ROBO2: variants seen among roughly 807,000 people sequenced by gnomAD.
The protein encoded by ROBO2 is roundabout homolog 2.
ROBO2 carries 53 observed loss-of-function variants against 160.8 expected under a neutral mutation model. The ratio of observed to expected loss-of-function variants is 0.33; its 90% CI spans 0.26 to 0.41. The LOEUF is 0.41. Ranked by LOEUF, ROBO2 falls within the 10% of genes least tolerant of loss-of-function variation. The pLI is 1.00. For missense variants in ROBO2, 1,577 were observed against 1,722.4 expected, an observed-to-expected ratio of 0.92 and a Z score of 1.49; for synonymous variants, 664 against 611.7, an observed-to-expected ratio of 1.09 and a Z score of -1.26.
chr3:76,121,823 T>C (rs1179426829), intron 2 of ROBO2, among the ~76,000 whole-genome samples: 1 of 152,162 alleles, frequency 6.6e-6, no homozygotes, highest in African/African-American at 2.4e-5. Context: ...ATTCCAGAGC[T>C]AGAGAGTACC....
intron 13 of ROBO2, among the ~76,000 whole-genome samples, chr3:77,569,162 G>T (rs972003207): frequency 6.6e-6 from 1 of 151,842 alleles, no homozygotes; most frequent in Non-Finnish European, 1.5e-5. Context: ...ATTTATCTTG[G>T]TATAAACCTA....
At chr3:76,201,370 A>G (rs757084849) in intron 2 of ROBO2, among the ~76,000 whole-genome samples, 1 of 152,122 alleles carries the variant, frequency 6.6e-6, no homozygotes, top group Non-Finnish European at 1.5e-5. Context: ...TCATGCATTG[A>G]ACTCCATTGC....
intron 2 of ROBO2, among the ~76,000 whole-genome samples, chr3:76,980,309 G>A (rs903700757): frequency 1.3e-5 from 2 of 152,138 alleles, no homozygotes; most frequent in Admixed American, 6.5e-5. Flanking sequence ...CTCTAGCTAC[G>A]CTGGCTTCCT....
chr3:76,607,247 T>G (rs970689439), intron 2 of ROBO2, among the ~76,000 whole-genome samples: 19 of 152,190 alleles, frequency 1.2e-4, no homozygotes, highest in Admixed American at 2.0e-4. Context: ...TATCTGGGAC[T>G]TGAACTCCTG....
chr3:76,390,696 G>C (rs141247558), intron 2 of ROBO2, among the ~76,000 whole-genome samples: 1 of 152,074 alleles, frequency 6.6e-6, no homozygotes, highest in Non-Finnish European at 1.5e-5. Context: ...GGTCTGTCAC[G>C]GAAGTGTGGA....
chr3:76,555,578 G>T (rs1295293342), intron 2 of ROBO2, among the ~76,000 whole-genome samples: 1 of 152,054 alleles, frequency 6.6e-6, no homozygotes, highest in Non-Finnish European at 1.5e-5. Context: ...CTTTGTAGAG[G>T]GGTAACAGGA....
chr3:76,434,816 T>C, intron 2 of ROBO2: 1 of 1,513,494 alleles, frequency 6.6e-7, no homozygotes, highest in Non-Finnish European at 9.2e-7. Context: ...ATGCCCTGAA[T>C]CATGTATCTG....
At position 76,869,551 on chromosome 3, in the gene ROBO2, G is replaced by A. The variant is rs528610523; in HGVS notation, c.110-228463G>A. Among the ~76,000 whole-genome samples the A allele has an allele frequency of 1.7e-3, 258 of 151,690 alleles. 2 individuals carry two copies. Among genetic ancestry groups the A allele is most frequent in the Non-Finnish European group, 2.6e-3 (176 of 67,882 alleles). On this transcript the variant is annotated intron_variant, in intron 2 of 26. Transcript: ENST00000487694. ...TTTTTAGTGGAGACGGGGTTTCACC[G>A]TGTTGGCCAGGATGGTCTCGATCTC...
At chr3:77,384,385 T>C (rs1272994742) in intron 2 of ROBO2, among the ~76,000 whole-genome samples, 1 of 152,200 alleles carries the variant, frequency 6.6e-6, no homozygotes, top group Non-Finnish European at 1.5e-5. Context: ...TTATGATCTG[T>C]GAAGTTTGAA....
At chr3:77,180,262 T>TTTTTCTA (rs1487557154) in intron 2 of ROBO2, among the ~76,000 whole-genome samples, 1 of 151,812 alleles carries the variant, frequency 6.6e-6, no homozygotes, top group Non-Finnish European at 1.5e-5. Flanking sequence ...ACACCTCATT[T>TTTTTCTA]GAATCATTGA....
chr3:76,228,496 T>C (rs763744084), intron 2 of ROBO2, among the ~76,000 whole-genome samples: 4 of 152,194 alleles, frequency 2.6e-5, no homozygotes, highest in Non-Finnish European at 5.9e-5. Context: ...AAACCCATAG[T>C]ATTTGAAGAA....
intron 2 of ROBO2, among the ~76,000 whole-genome samples, chr3:76,741,165 C>T (rs539346303): frequency 2.7e-4 from 41 of 152,130 alleles, no homozygotes; most frequent in African/African-American, 9.1e-4. Flanking sequence ...ACATCTGAAA[C>T]ATACTTAGGT....
chr3:75,937,840 T>TC (rs1947857788), intron 2 of ROBO2, among the ~76,000 whole-genome samples: 1 of 67,342 alleles, frequency 1.5e-5, no homozygotes. Flanking sequence ...TGGAATTGAT[T>TC]TTATATATAT....
chr3:77,217,800 T>A (rs1158540), intron 2 of ROBO2, among the ~76,000 whole-genome samples: 57,468 of 152,016 alleles, frequency 0.38, 12,045 homozygotes, highest in Middle Eastern at 0.58. Context: ...TATTAAATTG[T>A]CTAAGTTTTA....
intron 2 of ROBO2, among the ~76,000 whole-genome samples, chr3:76,231,313 C>A (rs560626888): frequency 1.3e-5 from 2 of 152,264 alleles, no homozygotes; most frequent in African/African-American, 4.8e-5. Context: ...GCTTTATGTA[C>A]CATGATGATG....
At chr3:77,060,995 G>A (rs2066244610) in intron 1 of ROBO2, among the ~76,000 whole-genome samples, 1 of 151,958 alleles carries the variant, frequency 6.6e-6, no homozygotes, top group African/African-American at 2.4e-5. Context: ...GAAGACAGTG[G>A]TGCAATCATA....
At chr3:76,867,956 A>T (rs1454174837) in intron 2 of ROBO2, among the ~76,000 whole-genome samples, 2 of 152,162 alleles carry the variant, frequency 1.3e-5, no homozygotes, top group African/African-American at 4.8e-5. Flanking sequence ...TCCAAGATGA[A>T]TGTTTTCTCC....
At chr3:77,314,059 G>T (rs934249244) in intron 2 of ROBO2, among the ~76,000 whole-genome samples, 1 of 152,146 alleles carries the variant, frequency 6.6e-6, no homozygotes, top group Admixed American at 6.5e-5. Flanking sequence ...CTGAGGGAAA[G>T]GAGAGTTCTG....
At chr3:77,100,189 T>C (rs2071714622) in intron 2 of ROBO2, among the ~76,000 whole-genome samples, 1 of 152,106 alleles carries the variant, frequency 6.6e-6, no homozygotes, top group South Asian at 2.1e-4. Flanking sequence ...AATGTGACAG[T>C]AATTTTTTTT....
Sources: allele counts gnomAD v4.1 joint callset (sites outside exome capture counted in the v4.1 genomes callset), GRCh38; gene constraint gnomAD v4.1.1; transcripts MANE v1.5; gene names NCBI Gene and HGNC (gene_info 2026-07-23, HGNC 2026-07-21).